Variants in GFRA2 observed in about 807,000 individuals in gnomAD.
GFRA2 encodes the protein GDNF family receptor alpha 2.
GFRA2 carries 17 observed loss-of-function variants against 48.3 expected under a neutral mutation model. The observed-to-expected ratio is 0.35, with a 90% CI of 0.24 to 0.53. The LOEUF is 0.53. Among genes scored for constraint, GFRA2 ranks in the 20% least tolerant of loss-of-function variants. The probability of loss-of-function intolerance (pLI) is 0.93; values close to 1 mark genes in which losing one functional copy is unlikely to be tolerated. For synonymous variants in GFRA2, 305 were observed against 257.2 expected, an observed-to-expected ratio of 1.19 and a Z score of -1.78; for missense variants, 660 against 637.3, an observed-to-expected ratio of 1.04 and a Z score of -0.38.
intron 7 of GFRA2, among the ~76,000 whole-genome samples, chr8:21,699,821 C>T (rs189325055): frequency 3.3e-5 from 5 of 152,258 alleles, no homozygotes; most frequent in Admixed American, 1.3e-4. Flanking sequence ...CTGGGGACAC[C>T]GGGGTCTCTC....
At chr8:21,745,642 C>T (rs905009141) in intron 4 of GFRA2, among the ~76,000 whole-genome samples, 1 of 152,210 alleles carries the variant, frequency 6.6e-6, no homozygotes, top group Admixed American at 6.5e-5. Context: ...CAGGCACAGT[C>T]GAGAGCCATG....
Position 21,741,334 on chromosome 8 carries a change from T to C in GFRA2, c.794+9254A>G, listed in dbSNP as rs138868363. The stretch of plus-strand genomic sequence containing the variant: ...TCTGCACGTGATGCTCTTTCTCCCT[T>C]GGTCTGACACCAGGCTCCCCATTCC... On this transcript the variant is annotated intron_variant, in intron 4 of 8. Transcript: ENST00000524240. Among the ~76,000 whole-genome samples the C allele has an allele frequency of 5.6e-3, 857 of 152,316 alleles. 4 individuals carry two copies. The highest frequency in any genetic ancestry group is 0.019 in the African/African-American group (795 of 41,572).
chr8:21,732,710 T>C (rs1804258526), intron 4 of GFRA2, among the ~76,000 whole-genome samples: 1 of 152,184 alleles, frequency 6.6e-6, no homozygotes, highest in South Asian at 2.1e-4. Flanking sequence ...CTAGCCAGGC[T>C]AGAGAGAAGG....
At chr8:21,695,792 G>A (rs531023982) in intron 7 of GFRA2, among the ~76,000 whole-genome samples, 3 of 152,262 alleles carry the variant, frequency 2.0e-5, no homozygotes, top group African/African-American at 7.2e-5. Context: ...AGGCTGTGCT[G>A]TCATAATGGC....
intron 4 of GFRA2, among the ~76,000 whole-genome samples, chr8:21,708,064 T>A (rs1432384423): frequency 6.6e-6 from 1 of 152,108 alleles, no homozygotes; most frequent in African/African-American, 2.4e-5. Context: ...AGTCTAGAGC[T>A]CCAACAAGGT....
chr8:21,803,296 C>T (rs943132726), intron 2 of GFRA2, among the ~76,000 whole-genome samples: 2 of 152,172 alleles, frequency 1.3e-5, no homozygotes, highest in Admixed American at 6.5e-5. Flanking sequence ...CACCCACATC[C>T]CATTGGCCAG....
At chr8:21,800,337 C>T (rs1463357689) in intron 2 of GFRA2, among the ~76,000 whole-genome samples, 5 of 152,172 alleles carry the variant, frequency 3.3e-5, no homozygotes, top group African/African-American at 7.2e-5. Context: ...TTAGAACTCC[C>T]GCACCACGAA....
chr8:21,803,503 G>A (rs1807807316), intron 2 of GFRA2, among the ~76,000 whole-genome samples: 1 of 152,172 alleles, frequency 6.6e-6, no homozygotes, highest in South Asian at 2.1e-4. Flanking sequence ...CAATTCCTGG[G>A]CTACAGGACT....
chr8:21,782,449 C>G (rs1807040409), intron 2 of GFRA2, 136 bp downstream of exon 2: 1 of 672,288 alleles, frequency 1.5e-6, no homozygotes, highest in African/African-American at 1.8e-5. Context: ...GTTCTAGGTT[C>G]CCCTAGCAGG....
rs1805228702 is a variant in GFRA2, at chr8:21,750,373, T to C, written c.794+215A>G. On this transcript the variant is annotated intron_variant, in intron 4 of 8. Coordinates refer to ENST00000524240, the MANE Select transcript of GFRA2 (RefSeq NM_001495.5). This position sits in a 1 kb window ranked among gnomAD's most constrained non-coding sequence, Gnocchi z 5.7. The stretch of plus-strand genomic sequence containing the variant: ...TGTTCTGAGTGAATGAATGAACAAA[T>C]GAATGAATAAAGAAGTAGATGGATG... Among the ~76,000 whole-genome samples the C allele has an allele frequency of 6.6e-6, 1 of 152,170 alleles. No homozygotes were observed. The highest frequency in any genetic ancestry group is 6.5e-5 in the Admixed American group (1 of 15,288).
chr8:21,728,619 C>T (rs943643808), intron 4 of GFRA2, among the ~76,000 whole-genome samples: 1 of 152,062 alleles, frequency 6.6e-6, no homozygotes, highest in Non-Finnish European at 1.5e-5. Context: ...GGAGATGTGG[C>T]GTCCATGGAC....
chr8:21,756,201 T>C (rs1428624433), intron 3 of GFRA2, among the ~76,000 whole-genome samples: 2 of 152,220 alleles, frequency 1.3e-5, no homozygotes, highest in Non-Finnish European at 2.9e-5. Context: ...GGTGTAATTA[T>C]AGCCTCCGTG....
chr8:21,752,597 C>G (rs1005769696), intron 3 of GFRA2, among the ~76,000 whole-genome samples: 1 of 152,104 alleles, frequency 6.6e-6, no homozygotes, highest in Non-Finnish European at 1.5e-5. Context: ...CTTCCAACCC[C>G]CAGATTTATA....
intron 2 of GFRA2, among the ~76,000 whole-genome samples, chr8:21,802,956 G>C (rs992860924): frequency 1.8e-4 from 28 of 152,304 alleles, no homozygotes; most frequent in Non-Finnish European, 3.2e-4. Context: ...GATTTGTACA[G>C]TACAAAGCAT....
At chr8:21,736,022 T>C (rs1804443048) in intron 4 of GFRA2, among the ~76,000 whole-genome samples, 1 of 152,214 alleles carries the variant, frequency 6.6e-6, no homozygotes, top group Non-Finnish European at 1.5e-5. Context: ...AGACCACTGG[T>C]TCACTCGGGC....
intron 2 of GFRA2, among the ~76,000 whole-genome samples, chr8:21,795,027 C>G (rs1183330796): frequency 2.0e-5 from 3 of 152,164 alleles, no homozygotes; most frequent in African/African-American, 7.2e-5. Context: ...CTGGTTTTAC[C>G]CAGCTTCTCC....
chr8:21,705,083 C>T lies in GFRA2; in HGVS notation c.947G>A (p.Gly316Asp), dbSNP rs543728174. ...TPNYVDSSPTGIVVSPWCSCR... is the reference protein window; with the variant it reads ...TPNYVDSSPTDIVVSPWCSCR... ...GCTGCACCAGGGGGACACCACGATG[C>T]CAGTGGGGCTGGAGTCCACATAGTT... Residue 316 changes from glycine (G) to aspartate (D), a missense_variant, in exon 6 of 9, where the codon GGC becomes GAC. Transcript: ENST00000524240. The T allele has an allele frequency of 1.2e-4, 198 of 1,610,900 alleles. 2 individuals carry two copies. The South Asian group carries it at 2.1e-3, about 17-fold the overall frequency.
chr8:21,800,823 G>A (rs1451952484), intron 2 of GFRA2, among the ~76,000 whole-genome samples: 4 of 152,016 alleles, frequency 2.6e-5, no homozygotes, highest in Non-Finnish European at 4.4e-5. Flanking sequence ...CTACTTGGGA[G>A]GCTGAAGCAA....
At position 21,782,857 on chromosome 8, in the gene GFRA2, C is replaced by A; in HGVS notation, c.83G>T (p.Gly28Val). The A allele has an allele frequency of 1.9e-6, 3 of 1,568,430 alleles. No individual in the cohort carries two copies. Among genetic ancestry groups the A allele is most frequent in the Non-Finnish European group, 2.6e-6 (3 of 1,164,214 alleles). ...GGGGCGCCAGCCGTGGAGCTCGGGGCCCTGCAGGGAGGAAGGGCTGGCCAA... is the reference window on the plus strand; with the variant it reads ...GGGGCGCCAGCCGTGGAGCTCGGGGACCTGCAGGGAGGAAGGGCTGGCCAA... ...RSLASPSSLQ[G>V]PELHGWRPPV... Residue 28 changes from glycine to valine, a missense_variant, in exon 2 of 9, where the codon GGC (glycine) becomes GTC (valine). Transcript: ENST00000524240.
Sources: gnomAD v4.1 joint callset for allele counts (sites outside exome capture counted in the v4.1 genomes callset) on GRCh38, gnomAD v4.1.1 for gene constraint, Gnocchi (gnomAD v3.1) non-coding constraint, MANE v1.5 for transcripts, NCBI Gene and HGNC (gene_info 2026-07-23, HGNC 2026-07-21) for gene names.